Variants in GRIA4 observed in about 807,000 individuals in gnomAD.
The protein encoded by GRIA4 is glutamate ionotropic receptor AMPA type subunit 4.
A neutral mutation model predicts 104.0 loss-of-function variants in GRIA4; 34 were observed. The ratio of observed to expected loss-of-function variants is 0.33; its 90% CI spans 0.25 to 0.44. GRIA4 has a LOEUF of 0.44. Among genes scored for constraint, GRIA4 ranks in the 20% least tolerant of loss-of-function variants. The pLI is 1.00. For synonymous variants in GRIA4, 386 were observed against 381.9 expected (o/e 1.01, Z -0.13); for missense variants, 750 against 1,096.5 (o/e 0.68, Z 4.46).
chr11:105,777,215 A>G (rs184363236), intron 4 of GRIA4, among the ~76,000 whole-genome samples: 1 of 152,358 alleles, frequency 6.6e-6, no homozygotes, highest in Admixed American at 6.5e-5. Flanking sequence ...TTTAATGAAC[A>G]GGTATTGCTC....
At chr11:105,666,628 C>G (rs1394542962) in intron 3 of GRIA4, among the ~76,000 whole-genome samples, 1 of 151,536 alleles carries the variant, frequency 6.6e-6, no homozygotes, top group Non-Finnish European at 1.5e-5. Flanking sequence ...AATATAATTC[C>G]TTAATATTTG....
chr11:105,903,501 A>G (rs546179273), intron 7 of GRIA4, among the ~76,000 whole-genome samples: 1 of 152,348 alleles, frequency 6.6e-6, no homozygotes, highest in East Asian at 1.9e-4. Flanking sequence ...AGCTATTTGT[A>G]CTGGGACACA....
At chr11:105,794,467 A>G (rs1400664411) in intron 4 of GRIA4, among the ~76,000 whole-genome samples, 4 of 38,786 alleles carry the variant, frequency 1.0e-4, no homozygotes, top group African/African-American at 2.9e-4. Flanking sequence ...GTGTGTGTAT[A>G]TGTATGTATA....
chr11:105,738,956 CA>C (rs928549908), intron 3 of GRIA4, among the ~76,000 whole-genome samples: 18 of 148,626 alleles, frequency 1.2e-4, no homozygotes, highest in East Asian at 3.9e-4. Context: ...AAAAAAAACC[CA>C]AAAAAAAACC....
intron 5 of GRIA4, among the ~76,000 whole-genome samples, chr11:105,876,600 G>A (rs984640308): frequency 4.6e-5 from 7 of 152,160 alleles, no homozygotes; most frequent in African/African-American, 1.7e-4. Context: ...GGGTGCTCCT[G>A]TATTGGGTGC....
chr11:105,621,692 C>T (rs1459334002), intron 3 of GRIA4, among the ~76,000 whole-genome samples: 1 of 151,618 alleles, frequency 6.6e-6, no homozygotes, highest in Non-Finnish European at 1.5e-5. Context: ...ACTTCTTGTA[C>T]CTGAGTGACT....
chr11:105,800,085 A>G (rs189711148), intron 4 of GRIA4, among the ~76,000 whole-genome samples: 35 of 149,396 alleles, frequency 2.3e-4, no homozygotes, highest in Admixed American at 5.3e-4. Context: ...AGACAATGAA[A>G]GATAGAACAA....
chr11:105,746,583 G>A (rs1939674609), intron 3 of GRIA4, among the ~76,000 whole-genome samples: 1 of 152,046 alleles, frequency 6.6e-6, no homozygotes, highest in Non-Finnish European at 1.5e-5. Flanking sequence ...CAAACACAAA[G>A]TTGGATAAAA....
chr11:105,793,670 G>A (rs1942321985), intron 4 of GRIA4, among the ~76,000 whole-genome samples: 1 of 152,138 alleles, frequency 6.6e-6, no homozygotes, highest in African/African-American at 2.4e-5. Flanking sequence ...CTTTTCTGGA[G>A]AACTTTAGCT....
At chr11:105,702,207 T>G (rs1953521691) in intron 3 of GRIA4, among the ~76,000 whole-genome samples, 1 of 152,184 alleles carries the variant, frequency 6.6e-6, no homozygotes, top group South Asian at 2.1e-4. Flanking sequence ...ACATTGCATT[T>G]GTGTATTAAT....
At chr11:105,706,029 G>A (rs1362217289) in intron 3 of GRIA4, among the ~76,000 whole-genome samples, 1 of 152,138 alleles carries the variant, frequency 6.6e-6, no homozygotes, top group Non-Finnish European at 1.5e-5. Context: ...ACAGAATTTC[G>A]TACATCCACA....
intron 4 of GRIA4, among the ~76,000 whole-genome samples, chr11:105,851,893 A>G (rs1425446601): frequency 6.6e-6 from 1 of 152,140 alleles, no homozygotes. Context: ...TGTCTGCCTC[A>G]GCCACTGGAA....
chr11:105,968,667 C>A (rs561513043), intron 14 of GRIA4, among the ~76,000 whole-genome samples: 204 of 152,306 alleles, frequency 1.3e-3, no homozygotes, highest in Middle Eastern at 3.4e-3. Flanking sequence ...AAAACTTGAT[C>A]CTTTGATGGT....
At chr11:105,765,226 G>A (rs1281264576) in intron 4 of GRIA4, among the ~76,000 whole-genome samples, 1 of 152,178 alleles carries the variant, frequency 6.6e-6, no homozygotes, top group Non-Finnish European at 1.5e-5. Context: ...AAAGTGTAAA[G>A]TGGAACAGAT....
At chr11:105,883,198 C>T (rs1028298952) in intron 5 of GRIA4, among the ~76,000 whole-genome samples, 4 of 151,816 alleles carry the variant, frequency 2.6e-5, no homozygotes, top group African/African-American at 7.2e-5. Context: ...TCGTTGAGAG[C>T]GTATAATTGA....
At chr11:105,675,707 C>T (rs1952514462) in intron 3 of GRIA4, among the ~76,000 whole-genome samples, 1 of 151,636 alleles carries the variant, frequency 6.6e-6, no homozygotes, top group Non-Finnish European at 1.5e-5. Context: ...TGGTTGATTG[C>T]CTGTGGTTAG....
chr11:105,807,381 T>C (rs1942995196), intron 4 of GRIA4, among the ~76,000 whole-genome samples: 1 of 151,938 alleles, frequency 6.6e-6, no homozygotes, highest in Admixed American at 6.6e-5. Context: ...TAGATAATGT[T>C]AAACATTGAA....
intron 3 of GRIA4, chr11:105,613,592 CAG>C (rs1950531136): frequency 6.6e-6 from 1 of 152,040 alleles, no homozygotes; most frequent in East Asian, 1.9e-4. Flanking sequence ...AAATTGAAAA[CAG>C]AGTTTTTAAA....
rs750910757 is a variant in GRIA4 at position 105,862,005 on chromosome 11, C to CT, written c.488-10dup. On this transcript the variant is annotated intron_variant, in intron 4 of 16. Transcript: ENST00000282499. ...GGGAGTAAAAGCATGTTTTTAGTAA[C>CT]TTTTTTTTTCCCCAATAGGATACTC... is the stretch of plus-strand genomic sequence containing the variant. 3.3e-4 allele frequency: 501 copies of CT among 1,531,656 alleles called. No individual in the cohort carries two copies. The highest frequency in any genetic ancestry group is 4.0e-4 in the Non-Finnish European group (440 of 1,113,426). The allele number at this position is 1,531,656 out of a possible 1,614,324, so 94.9% of individuals were successfully genotyped here.
Sources: allele counts gnomAD v4.1 joint callset (sites outside exome capture counted in the v4.1 genomes callset), GRCh38; gene constraint gnomAD v4.1.1; transcripts MANE v1.5; gene names NCBI Gene and HGNC (gene_info 2026-07-23, HGNC 2026-07-21).